The following SUMF1 variants were observed in gnomAD, a reference collection of about 807,000 sequenced individuals.
The protein encoded by SUMF1 is formylglycine-generating enzyme.
SUMF1 carries 48 observed loss-of-function variants against 47.6 expected under a neutral mutation model. The ratio of observed to expected loss-of-function variants is 1.01; its 90% CI spans 0.80 to 1.28. The LOEUF (loss-of-function observed/expected upper bound fraction) is 1.28, where lower values mean the gene tolerates loss of function less well. Ranked by LOEUF, SUMF1 falls within the 50% of genes most tolerant of loss-of-function variation. The pLI, the probability that SUMF1 is intolerant of heterozygous loss-of-function variation, is 0.00. For missense variants in SUMF1, 571 were observed against 485.4 expected (o/e 1.18, Z -1.66); for synonymous variants, 230 against 192.1 (o/e 1.20, Z -1.63).
At chr3:4,214,575 A>T (rs534038251) in intron 8 of SUMF1, among the ~76,000 whole-genome samples, 6 of 152,268 alleles carry the variant, frequency 3.9e-5, no homozygotes, top group African/African-American at 1.4e-4. Flanking sequence ...ACTGAAGGAG[A>T]CAGAGACACG....
intron 8 of SUMF1, among the ~76,000 whole-genome samples, chr3:4,147,224 A>C (rs1333281180): frequency 6.6e-6 from 1 of 152,152 alleles, no homozygotes; most frequent in Non-Finnish European, 1.5e-5. Flanking sequence ...GTGGGACTGT[A>C]AACTAGTTCA....
At chr3:4,057,759 G>T (rs894888065) in intron 9 of SUMF1, among the ~76,000 whole-genome samples, 8 of 152,260 alleles carry the variant, frequency 5.3e-5, no homozygotes, top group African/African-American at 1.9e-4. Context: ...TTGCAGGTAG[G>T]TGCAAGGTAG....
At chr3:4,387,362 G>C (rs1277498405) in intron 7 of SUMF1, among the ~76,000 whole-genome samples, 2 of 151,972 alleles carry the variant, frequency 1.3e-5, no homozygotes, top group Non-Finnish European at 2.9e-5. Flanking sequence ...TCTCGCCTAA[G>C]TTGTCACATT....
chr3:4,167,215 G>T (rs1239265780), intron 8 of SUMF1, among the ~76,000 whole-genome samples: 2 of 152,002 alleles, frequency 1.3e-5, no homozygotes, highest in Admixed American at 1.3e-4. Flanking sequence ...AAGATTTATT[G>T]TGAAGAGCGA....
At chr3:4,057,128 A>G (rs1448672231) in intron 9 of SUMF1, among the ~76,000 whole-genome samples, 9 of 152,188 alleles carry the variant, frequency 5.9e-5, no homozygotes, top group Non-Finnish European at 1.0e-4. Flanking sequence ...TGTTGAAATG[A>G]GTGCCAATAA....
chr3:4,456,787 T>TGTATATATACAC (rs2079636098), intron 1 of SUMF1, among the ~76,000 whole-genome samples: 2 of 149,032 alleles, frequency 1.3e-5, no homozygotes, highest in African/African-American at 4.9e-5. Context: ...TATACGTGTG[T>TGTATATATACAC]GTGTATATAT....
At chr3:4,418,926 A>T (rs1490668431) in intron 4 of SUMF1, among the ~76,000 whole-genome samples, 1 of 152,220 alleles carries the variant, frequency 6.6e-6, no homozygotes, top group East Asian at 1.9e-4. Flanking sequence ...CTTTTTTAAA[A>T]GTGGGCTACA....
intron 8 of SUMF1, among the ~76,000 whole-genome samples, chr3:4,215,798 T>G (rs1040128862): frequency 3.3e-5 from 5 of 151,930 alleles, no homozygotes; most frequent in African/African-American, 1.2e-4. Context: ...CAATTGCTAC[T>G]AAGAGAAAAA....
At chr3:4,213,248 G>A (rs906803116) in intron 8 of SUMF1, among the ~76,000 whole-genome samples, 12 of 152,036 alleles carry the variant, frequency 7.9e-5, no homozygotes, top group Non-Finnish European at 4.4e-5. Context: ...AGAGAGTGGG[G>A]GCCAATATTC....
At chr3:4,428,944 T>G (rs1334076873) in intron 3 of SUMF1, among the ~76,000 whole-genome samples, 2 of 152,230 alleles carry the variant, frequency 1.3e-5, no homozygotes, top group Non-Finnish European at 1.5e-5. Flanking sequence ...TTTTCTATGT[T>G]TTATCTGAAC....
chr3:4,201,617 T>C (rs1428626524), intron 8 of SUMF1, among the ~76,000 whole-genome samples: 1 of 152,100 alleles, frequency 6.6e-6, no homozygotes, highest in Non-Finnish European at 1.5e-5. Flanking sequence ...AGTGTAGATA[T>C]TGCTTCAATA....
intron 8 of SUMF1, among the ~76,000 whole-genome samples, chr3:4,152,217 A>C (rs1694352199): frequency 6.6e-6 from 1 of 151,614 alleles, no homozygotes. Flanking sequence ...GGCACAAAGC[A>C]GTGAGAGATA....
chr3:4,176,816 T>C (rs1694975366), intron 8 of SUMF1, among the ~76,000 whole-genome samples: 1 of 152,034 alleles, frequency 6.6e-6, no homozygotes, highest in Non-Finnish European at 1.5e-5. Context: ...AAGACACACA[T>C]AGGTTCAAAA....
intron 8 of SUMF1, among the ~76,000 whole-genome samples, chr3:4,236,510 T>A (rs1696412907): frequency 6.6e-6 from 1 of 152,066 alleles, no homozygotes; most frequent in Admixed American, 6.6e-5. Flanking sequence ...TCCCAGCTAC[T>A]CAGGAGGCCG....
intron 8 of SUMF1, among the ~76,000 whole-genome samples, chr3:4,289,500 T>G (rs1697698341): frequency 6.6e-6 from 1 of 152,190 alleles, no homozygotes; most frequent in Non-Finnish European, 1.5e-5. Flanking sequence ...ATTAGAGACC[T>G]AAAATAAGAT....
chr3:4,376,559 C>T (rs1207527008), intron 7 of SUMF1, among the ~76,000 whole-genome samples, 170 bp from the exon 8 acceptor site: 1 of 152,184 alleles, frequency 6.6e-6, no homozygotes, highest in Non-Finnish European at 1.5e-5. Flanking sequence ...CCCAAATGCT[C>T]ACCTCCCCAA....
Position 4,193,455 on chromosome 3 carries a change from G to A in SUMF1, c.1015-124710C>T, listed in dbSNP as rs562737262. Among the ~76,000 whole-genome samples, 3 of 152,204 alleles carry A rather than the reference G, an allele frequency of 2.0e-5. No individual in the cohort carries two copies. The South Asian group carries it at 6.2e-4, about 32-fold the overall frequency. ...AGTTGATCAGAAGTGCAGGTGGACT[G>A]GGGACACCCGAATTTGTGGCTGGCA... On this transcript the variant is annotated intron_variant and NMD_transcript_variant, in intron 8 of 12. Transcript: ENST00000448413.
Position 4,345,136 on chromosome 3 carries a change from C to T in SUMF1, c.1014+31194G>A, listed in dbSNP as rs548989932. The stretch of plus-strand genomic sequence containing the variant: ...TCAGGGTATTATCCAGGAGAACGTC[C>T]CCAACCTAGCAAGACAGGCCAACAC... On this transcript the variant is annotated intron_variant and NMD_transcript_variant, in intron 8 of 12. Transcript: ENST00000448413. Among the ~76,000 whole-genome samples the T allele has an allele frequency of 5.1e-4, 77 of 152,180 alleles. 1 individual carries two copies. In the South Asian group the frequency reaches 0.016, roughly 32 times the overall value.
intron 1 of SUMF1, among the ~76,000 whole-genome samples, chr3:4,454,432 C>G (rs1487591270): frequency 6.6e-6 from 1 of 152,202 alleles, no homozygotes; most frequent in African/African-American, 2.4e-5. Context: ...GACACAACAA[C>G]AAGTGCTGAT....
Sources: allele counts gnomAD v4.1 joint callset (sites outside exome capture counted in the v4.1 genomes callset), GRCh38; gene constraint gnomAD v4.1.1; transcripts MANE v1.5; gene names NCBI Gene and HGNC (gene_info 2026-07-23, HGNC 2026-07-21).